The following METTL21C variants were observed in gnomAD, a reference collection of about 807,000 sequenced individuals.
The protein encoded by METTL21C is protein-lysine methyltransferase METTL21C.
In METTL21C, 21 loss-of-function variants were observed where a neutral mutation model predicts 25.9. The ratio of observed to expected loss-of-function variants is 0.81; its 90% confidence interval spans 0.58 to 1.17. METTL21C has a LOEUF of 1.17. METTL21C is among the 50% of genes most tolerant of loss of function. The pLI, the probability that METTL21C is intolerant of heterozygous loss-of-function variation, is 0.00. For missense variants in METTL21C, 312 were observed against 315.1 expected (o/e 0.99, Z 0.07); for synonymous variants, 125 against 124.7 (o/e 1.00, Z -0.01).
At chr13:102,695,662 T>C (rs1885935230), upstream of METTL21C, among the ~76,000 whole-genome samples, 1 of 152,244 alleles carries the variant, frequency 6.6e-6, no homozygotes, top group African/African-American at 2.4e-5. Flanking sequence ...GATGTTCATC[T>C]AGATGTGCTG....
intron 1 of METTL21C, among the ~76,000 whole-genome samples, chr13:102,692,179 G>A (rs907707928): frequency 6.6e-6 from 1 of 152,212 alleles, no homozygotes; most frequent in Non-Finnish European, 1.5e-5. Context: ...GTGAACATTG[G>A]AAGTGTTTTA....
the METTL21C span, among the ~76,000 whole-genome samples, chr13:102,702,224 G>C: frequency 7.0e-6 from 1 of 143,880 alleles, no homozygotes; most frequent in Non-Finnish European, 1.5e-5. Context: ...GAGAGAGAGA[G>C]AGACAGAAAG....
At chr13:102,689,122 G>T (rs745531598) in intron 2 of METTL21C, among the ~76,000 whole-genome samples, 2 of 151,984 alleles carry the variant, frequency 1.3e-5, no homozygotes, top group Non-Finnish European at 2.9e-5. Context: ...GGGAGATGGG[G>T]TCTCACTATG....
intron 2 of METTL21C, among the ~76,000 whole-genome samples, chr13:102,687,971 C>G (rs1885719132): frequency 6.6e-6 from 1 of 152,140 alleles, no homozygotes; most frequent in Non-Finnish European, 1.5e-5. Context: ...GAGGCATCAA[C>G]TAGCAGTGCC....
At position 102,694,898 on chromosome 13, in the gene METTL21C, T is replaced by TCACA. The variant is rs1485209052; in HGVS notation, c.-401_-400insTGTG. ...TTCTCTCTCTCTCTCTCTCTCTCTCTCTCACACACACACACACACACACAC... is the reference window on the plus strand; with the variant it reads ...TTCTCTCTCTCTCTCTCTCTCTCTCTCACACTCACACACACACACACACACACAC... On this transcript the variant is annotated 5_prime_UTR_variant, in exon 1 of 4. Coordinates refer to ENST00000267273, the MANE Select transcript of METTL21C (RefSeq NM_001010977.3). 1.6e-4 allele frequency among the ~76,000 whole-genome samples: 22 copies of TCACA among 141,754 alleles called. No individual in the cohort carries two copies. Among genetic ancestry groups the TCACA allele is most frequent in the South Asian group, 2.4e-4 (1 of 4,198 alleles). 93.0% of individuals were successfully genotyped at this position (141,754 alleles called of 152,430 possible). A position where few individuals can be genotyped will look rare whatever the true frequency, so the allele number is the denominator to read the frequency against.
Position 102,687,645 on chromosome 13 carries a change from G to A in METTL21C, c.283-588C>T, listed in dbSNP as rs139902144. On this transcript the variant is annotated intron_variant, in intron 2 of 3. Coordinates refer to ENST00000267273, the MANE Select transcript of METTL21C (RefSeq NM_001010977.3). ...CTTCTCAGACTTCAGTGTGCAAACA[G>A]ATTCCCTGGATAGCTTGTTAAAGAT... is the stretch of plus-strand genomic sequence containing the variant. Among the ~76,000 whole-genome samples the A allele has an allele frequency of 6.6e-5, 10 of 152,294 alleles. No homozygotes were observed. The East Asian group carries it at 1.9e-3, about 29-fold the overall frequency.
intron 1 of METTL21C, among the ~76,000 whole-genome samples, chr13:102,691,408 G>A (rs1430056594): frequency 1.3e-5 from 2 of 151,788 alleles, no homozygotes; most frequent in Non-Finnish European, 2.9e-5. Context: ...AGAGTGCAGT[G>A]GTGTAATCTC....
At chr13:102,692,961 G>A (rs1378468223) in intron 1 of METTL21C, among the ~76,000 whole-genome samples, 4 of 152,194 alleles carry the variant, frequency 2.6e-5, no homozygotes, top group African/African-American at 9.7e-5. Context: ...TTAGAGGCAG[G>A]AGGAAGGCCG....
the METTL21C span, among the ~76,000 whole-genome samples, chr13:102,701,430 G>A: frequency 6.6e-6 from 1 of 152,142 alleles, no homozygotes; most frequent in South Asian, 2.1e-4. Flanking sequence ...AAAAAGCAAA[G>A]TATTTGGGTG....
chr13:102,703,372 C>T, the METTL21C span, among the ~76,000 whole-genome samples: 1 of 152,202 alleles, frequency 6.6e-6, no homozygotes, highest in Non-Finnish European at 1.5e-5. Context: ...CAAGGTGCTG[C>T]CACAGTTAAT....
rs1426209913 is a variant in METTL21C, at chr13:102,690,886, T to C, written c.209A>G (p.His70Arg). The change falls in exon 2 of 4, where the codon CAT becomes CGT. Residue 70 changes from histidine to arginine, a missense_variant. Transcript: ENST00000267273. ...PTDYASYTQE[H>R]YRFAGKEIVI... Reference sequence around the variant, plus strand: ...AATCTCCTTTCCTGCAAACCGATAATGCTCCTGAGTGTAGCTGGCGTAATC... The same window carrying C: ...AATCTCCTTTCCTGCAAACCGATAACGCTCCTGAGTGTAGCTGGCGTAATC... The C allele has an allele frequency of 1.2e-6, 2 of 1,614,052 alleles. No individual in the cohort carries two copies. Among genetic ancestry groups the C allele is most frequent in the African/African-American group, 1.3e-5 (1 of 74,934 alleles).
chr13:102,703,326 C>T, the METTL21C span, among the ~76,000 whole-genome samples: 2 of 152,180 alleles, frequency 1.3e-5, no homozygotes, highest in Non-Finnish European at 2.9e-5. Flanking sequence ...CTAGGTGCCC[C>T]GTAGCCAGGC....
Position 102,686,981 on chromosome 13 carries a change from C to T in METTL21C, c.359G>A (p.Gly120Asp), listed in dbSNP as rs765543295. The change falls in exon 3 of 4, where the codon GGT (glycine) becomes GAT (aspartate). Residue 120 changes from glycine (G) to aspartate (D), a missense_variant. Coordinates refer to ENST00000267273, the MANE Select transcript of METTL21C (RefSeq NM_001010977.3). ...AATGGAAACAAGGCCTGGTCCGGCA[C>T]CAATTTCAAGTATTTTTGCATCTTG... ...NFQDAKILEI[G>D]AGPGLVSIVA... 2.5e-6 allele frequency: 4 copies of T among 1,614,034 alleles called. No homozygotes were observed. The highest frequency in any genetic ancestry group is 2.5e-6 in the Non-Finnish European group (3 of 1,180,020).
chr13:102,700,538 A>G, the METTL21C span, among the ~76,000 whole-genome samples: 2 of 152,248 alleles, frequency 1.3e-5, no homozygotes, highest in African/African-American at 4.8e-5. Flanking sequence ...AGCTATAAGC[A>G]TGTGATATTA....
At chr13:102,696,840 T>G (rs988093963), upstream of METTL21C, among the ~76,000 whole-genome samples, 1 of 152,090 alleles carries the variant, frequency 6.6e-6, no homozygotes, top group Non-Finnish European at 1.5e-5. Flanking sequence ...TTGTAATTGC[T>G]GAATTTGTTA....
chr13:102,696,132 T>G (rs1024961294), upstream of METTL21C, among the ~76,000 whole-genome samples: 1 of 152,122 alleles, frequency 6.6e-6, no homozygotes, highest in Admixed American at 6.6e-5. Context: ...TTACTGAAAA[T>G]GTGACTTGAT....
chr13:102,703,044 C>A, the METTL21C span, among the ~76,000 whole-genome samples: 1 of 152,064 alleles, frequency 6.6e-6, no homozygotes, highest in Non-Finnish European at 1.5e-5. Context: ...AAGATCTTTC[C>A]CTGTAATTGA....
chr13:102,689,524 T>A (rs565750419), intron 2 of METTL21C, among the ~76,000 whole-genome samples: 1 of 152,300 alleles, frequency 6.6e-6, no homozygotes, highest in African/African-American at 2.4e-5. Context: ...CCAGGAATAC[T>A]CAATGTGGGC....
At chr13:102,701,733 C>A in the METTL21C span, among the ~76,000 whole-genome samples, 2 of 152,064 alleles carry the variant, frequency 1.3e-5, no homozygotes, top group Admixed American at 1.3e-4. Context: ...TTAGTGGGAG[C>A]TGATAAAAGG....
Sources: gnomAD v4.1 joint callset for allele counts (sites outside exome capture counted in the v4.1 genomes callset) on GRCh38, gnomAD v4.1.1 for gene constraint, MANE v1.5 for transcripts, NCBI Gene and HGNC (gene_info 2026-07-23, HGNC 2026-07-21) for gene names.